The following CNOT1 variants were observed in gnomAD, a reference collection of about 807,000 sequenced individuals.
CNOT1 encodes the protein CCR4-associated factor 1.
Under a neutral mutation model 273.8 loss-of-function variants are expected in CNOT1, and 15 were observed. The ratio of observed to expected loss-of-function variants is 0.05; its 90% CI spans 0.04 to 0.08. The LOEUF is 0.08. Ranked by LOEUF, CNOT1 falls within the 10% of genes least tolerant of loss-of-function variation. CNOT1 has a pLI of 1.00. For synonymous variants in CNOT1, 1,022 were observed against 1,005.5 expected, an observed-to-expected ratio of 1.02 and a Z score of -0.31; for missense variants, 1,644 against 2,912.2, an observed-to-expected ratio of 0.56 and a Z score of 10.02.
At chr16:58,549,363 A>G (rs963552341) in intron 25 of CNOT1, among the ~76,000 whole-genome samples, 2 of 151,790 alleles carry the variant, frequency 1.3e-5, no homozygotes, top group African/African-American at 4.8e-5. Flanking sequence ...TCCAGGGGAG[A>G]AAAAAAAGTA....
chr16:58,587,157 T>G (rs2041901744), intron 6 of CNOT1, 44 bp downstream of exon 6: 1 of 1,597,288 alleles, frequency 6.3e-7, no homozygotes, highest in East Asian at 2.2e-5. Context: ...AACCCACGTA[T>G]TTTAAAGTCT....
At chr16:58,549,985 T>A in intron 24 of CNOT1, 87 bp from the exon 25 acceptor site, 1 of 1,557,160 alleles carries the variant, frequency 6.4e-7, no homozygotes, top group Non-Finnish European at 8.6e-7. Context: ...ATACAGCACA[T>A]GGCTCCTTGC....
rs573180747 is a variant in CNOT1 at position 58,540,506 on chromosome 16, T to C, written c.4801-547A>G. 3.9e-5 allele frequency among the ~76,000 whole-genome samples: 6 copies of C among 152,282 alleles called. No individual in the cohort carries two copies. The East Asian group carries it at 1.2e-3, about 29-fold the overall frequency. On this transcript the variant is annotated intron_variant, in intron 34 of 48. Coordinates refer to ENST00000317147, the MANE Select transcript of CNOT1 (RefSeq NM_016284.5). Reference sequence around the variant, plus strand: ...CCTATAATATTCAGAAGTGTTATGGTCATGAAAGATGAGGAAAAACTGAGT... The same window carrying C: ...CCTATAATATTCAGAAGTGTTATGGCCATGAAAGATGAGGAAAAACTGAGT...
At chr16:58,577,051 T>A (rs2041478002) in intron 13 of CNOT1, among the ~76,000 whole-genome samples, 1 of 151,854 alleles carries the variant, frequency 6.6e-6, no homozygotes, top group Non-Finnish European at 1.5e-5. Flanking sequence ...CTAAATCTTA[T>A]TTCCACAAAC....
intron 45 of CNOT1, 95 bp downstream of exon 45, chr16:58,525,894 A>G: frequency 9.6e-7 from 1 of 1,037,298 alleles, no homozygotes; most frequent in Non-Finnish European, 1.4e-6. Context: ...AAATGACAAT[A>G]AAAGACTAAC....
rs758198517 is a variant in CNOT1 at position 58,576,539 on chromosome 16, G to T, written c.1628C>A (p.Ala543Glu). The change falls in exon 14 of 49, where the codon GCA becomes GAA. Residue 543 changes from alanine (A) to glutamate (E), a missense_variant. By Grantham distance (107) the Ala-to-Glu change is moderately radical. Around this residue, in one of 13 missense-constraint regions of CNOT1, gnomAD observed 706 missense variants for 1,021.2 expected, o/e 0.69. Transcript: ENST00000317147. ...CTGCTCCCCTCTCATGTACCATTCT[G>T]CCATTGCATGCATGATAAGTTGGCG... is the stretch of plus-strand genomic sequence containing the variant. ...SIRQLIMHAM[A>E]EWYMRGEQYD... 1 of 1,614,166 alleles carries T rather than the reference G, an allele frequency of 6.2e-7. No homozygotes were observed. Among genetic ancestry groups the T allele is most frequent in the Non-Finnish European group, 8.5e-7 (1 of 1,180,038 alleles).
intron 18 of CNOT1, among the ~76,000 whole-genome samples, chr16:58,557,268 C>G (rs1485664898): frequency 6.6e-6 from 1 of 152,162 alleles, no homozygotes; most frequent in Non-Finnish European, 1.5e-5. Context: ...ATTCTCAAAG[C>G]ACATACTCCT....
intron 1 of CNOT1, among the ~76,000 whole-genome samples, chr16:58,609,652 C>A (rs891183794): frequency 6.6e-6 from 1 of 151,814 alleles, no homozygotes; most frequent in Non-Finnish European, 1.5e-5. Context: ...TTGTAGACAC[C>A]GGGTCTCACT....
intron 2 of CNOT1, among the ~76,000 whole-genome samples, chr16:58,589,917 C>T (rs1964132004): frequency 6.6e-6 from 1 of 152,206 alleles, no homozygotes; most frequent in African/African-American, 2.4e-5. Context: ...ACTCTAAAGT[C>T]ACCTTATCAG....
chr16:58,574,800 T>A (rs1288096254), intron 15 of CNOT1, 40 bp from the exon 16 acceptor site: 2 of 1,579,166 alleles, frequency 1.3e-6, no homozygotes, highest in Non-Finnish European at 1.7e-6. Flanking sequence ...TTAAAATTGA[T>A]CTTAAATGTT....
chr16:58,622,015 T>C (rs1401224772), intron 1 of CNOT1, among the ~76,000 whole-genome samples: 1 of 147,508 alleles, frequency 6.8e-6, no homozygotes, highest in Non-Finnish European at 1.5e-5. Flanking sequence ...GATTCATCAA[T>C]TGTAAGAAAT....
intron 16 of CNOT1, among the ~76,000 whole-genome samples, chr16:58,562,937 A>C (rs575390301): frequency 5.9e-5 from 9 of 152,216 alleles, no homozygotes; most frequent in African/African-American, 2.2e-4. Flanking sequence ...CTCAGAAAAG[A>C]AAGCTGTTTC....
chr16:58,576,706 G>A lies in CNOT1; in HGVS notation c.1585-124C>T, dbSNP rs1174129966. 2.8e-6 allele frequency: 4 copies of A among 1,433,392 alleles called. No individual in the cohort carries two copies. The Admixed American group carries it at 8.8e-5, about 32-fold the overall frequency. 88.8% of individuals were successfully genotyped at this position (1,433,392 alleles called of 1,614,324 possible). A position where few individuals can be genotyped will look rare whatever the true frequency, so the allele number is the denominator to read the frequency against. ...TCAGGTATACCTGTGCTGACATTAA[G>A]TTCAGGCCTCAAACTATGCAATTAC... On this transcript the variant is annotated intron_variant, in intron 13 of 48. Coordinates refer to ENST00000317147, the MANE Select transcript of CNOT1 (RefSeq NM_016284.5).
chr16:58,581,864 T>C (rs999160869), intron 10 of CNOT1, among the ~76,000 whole-genome samples: 2 of 152,102 alleles, frequency 1.3e-5, no homozygotes, highest in African/African-American at 4.8e-5. Flanking sequence ...GTTTTCGCCA[T>C]GCTGGCCAGG....
chr16:58,585,473 G>C lies in CNOT1; in HGVS notation c.671C>G (p.Ala224Gly). The C allele has an allele frequency of 6.2e-7, 1 of 1,613,544 alleles. No homozygotes were observed. Among genetic ancestry groups the C allele is most frequent in the East Asian group, 2.2e-5 (1 of 44,878 alleles). ...FPQERCPVVL[A>G]PLLYPEKRDI... is the part of the protein sequence containing the mutation. ...CCGTTTTTCAGGGTATAAAAGTGGT[G>C]CGAGCACCACGGGACAGCGTTCTTG... is the stretch of plus-strand genomic sequence containing the variant. Residue 224 changes from alanine to glycine, a missense_variant, in exon 8 of 49, where the codon GCA becomes GGA. Transcript: ENST00000317147.
intron 14 of CNOT1, 66 bp downstream of exon 14, chr16:58,576,397 C>T: frequency 1.9e-6 from 3 of 1,602,604 alleles, no homozygotes; most frequent in African/African-American, 2.7e-5. Context: ...AGGCATGAGC[C>T]ACCGCGCCCG....
At chr16:58,627,613 T>G (rs540101627) in intron 1 of CNOT1, among the ~76,000 whole-genome samples, 1 of 151,848 alleles carries the variant, frequency 6.6e-6, no homozygotes, top group South Asian at 2.1e-4. Flanking sequence ...TGACAACATC[T>G]ATGTTAAAGA....
At chr16:58,559,953 T>C (rs2040773492) in intron 17 of CNOT1, 1 of 993,348 alleles carries the variant, frequency 1.0e-6, no homozygotes, top group Non-Finnish European at 1.5e-6. Flanking sequence ...GTCTACGTAA[T>C]TCATATTTTA....
At chr16:58,530,194 A>G (rs761706632) in intron 43 of CNOT1, 52 bp downstream of exon 43, 3 of 1,431,514 alleles carry the variant, frequency 2.1e-6, no homozygotes, top group Non-Finnish European at 1.9e-6. Context: ...CCTAAAGTGT[A>G]TTTTCTTAAG....
Sources: allele counts gnomAD v4.1 joint callset (sites outside exome capture counted in the v4.1 genomes callset), GRCh38; gene constraint gnomAD v4.1.1; regional missense constraint gnomAD v4.1.1; transcripts MANE v1.5; gene names NCBI Gene and HGNC (gene_info 2026-07-23, HGNC 2026-07-21).